The following AKT1 variants were observed in gnomAD, a reference collection of about 807,000 sequenced individuals.
AKT1 encodes AKT serine/threonine kinase 1.
In AKT1, 21 loss-of-function variants were observed where a neutral mutation model predicts 63.1. That is an observed-to-expected ratio of 0.33 (90% CI 0.24 to 0.48). The LOEUF (loss-of-function observed/expected upper bound fraction) is 0.48, where lower values mean the gene tolerates loss of function less well. Ranked by LOEUF, AKT1 falls within the 20% of genes least tolerant of loss-of-function variation. The pLI, the probability that AKT1 is intolerant of heterozygous loss-of-function variation, is 0.99. For synonymous variants in AKT1, 257 were observed against 253.1 expected (o/e 1.02, Z -0.15); for missense variants, 382 against 666.0 (o/e 0.57, Z 4.69).
chr14:104,783,025 C>T (rs1893144325), intron 3 of AKT1, among the ~76,000 whole-genome samples: 1 of 152,108 alleles, frequency 6.6e-6, no homozygotes, highest in African/African-American at 2.4e-5. Context: ...ACTGGGGTGA[C>T]ACAGGACGGG....
At chr14:104,784,599 C>T (rs1893238758) in intron 3 of AKT1, among the ~76,000 whole-genome samples, 1 of 152,164 alleles carries the variant, frequency 6.6e-6, no homozygotes, top group Non-Finnish European at 1.5e-5. Context: ...CCCAGAAGTC[C>T]TCCTGGACCA....
intron 3 of AKT1, among the ~76,000 whole-genome samples, chr14:104,790,479 G>A (rs1893573337): frequency 6.6e-6 from 1 of 152,224 alleles, no homozygotes; most frequent in African/African-American, 2.4e-5. Flanking sequence ...GCCCTGCCAG[G>A]AGGGTGGCAC....
chr14:104,771,068 G>C lies in AKT1; in HGVS notation c.1261-221C>G, dbSNP rs562656821. 40 of 552,940 alleles carry C rather than the reference G, an allele frequency of 7.2e-5. 1 individual carries two copies. The Middle Eastern group carries it at 1.4e-3, about 20-fold the overall frequency. The allele number at this position is 552,940 out of a possible 1,614,324, so 34.3% of individuals were successfully genotyped here. ...GGAGACAACCCTCAACAGCTGAGACGCAAAGCTGCCCTCACAGCAGCCCCA... is the reference window on the plus strand; with the variant it reads ...GGAGACAACCCTCAACAGCTGAGACCCAAAGCTGCCCTCACAGCAGCCCCA... On this transcript the variant is annotated intron_variant, in intron 13 of 14. Coordinates refer to ENST00000649815, the MANE Select transcript of AKT1 (RefSeq NM_001382430.1).
At chr14:104,772,325 G>A (rs753350034) in intron 13 of AKT1, 40 bp downstream of exon 13, 2 of 1,601,986 alleles carry the variant, frequency 1.2e-6, no homozygotes, top group South Asian at 2.2e-5. Flanking sequence ...GGATATGTGG[G>A]GAGCATGCGT....
At chr14:104,773,633 G>C (rs1244071656) in intron 9 of AKT1, 53 bp from the exon 10 acceptor site, 7 of 1,561,112 alleles carry the variant, frequency 4.5e-6, no homozygotes, top group Non-Finnish European at 6.1e-6. Flanking sequence ...CTGCCCCCAT[G>C]GCCTGCAGGG....
At chr14:104,779,632 C>T (rs111268345) in intron 4 of AKT1, among the ~76,000 whole-genome samples, 796 of 53,520 alleles carry the variant, frequency 0.015, 5 homozygotes, top group African/African-American at 0.099. Flanking sequence ...GACCCCCGCC[C>T]AGCCAGCCTC....
rs1049525123 is a variant in AKT1 at position 104,772,449 on chromosome 14, A to G, written c.1176T>C (p.Leu392=). The G allele has an allele frequency of 1.2e-6, 2 of 1,613,522 alleles. No homozygotes were observed. Among genetic ancestry groups the G allele is most frequent in the Non-Finnish European group, 1.7e-6 (2 of 1,180,024 alleles). Residue 392 remains leucine (L), a synonymous_variant, in exon 13 of 15, where the codon CTT becomes CTC. Transcript: ENST00000649815. ...GLLKKDPKQR[L]GGGSEDAKEI... ...CCTTGGCGTCCTCGGAGCCCCCGCC[A>G]AGCCTGCAGGCAGGAAACAAGGCCA...
intron 3 of AKT1, among the ~76,000 whole-genome samples, chr14:104,787,021 C>T (rs370360314): frequency 1.3e-5 from 2 of 152,050 alleles, no homozygotes; most frequent in East Asian, 3.9e-4. Context: ...CGCCAGGTTA[C>T]AGGGTATGGG....
Position 104,784,408 on chromosome 14 carries a change from G to T in AKT1, c.47-4192C>A, listed in dbSNP as rs558612575. Among the ~76,000 whole-genome samples the T allele has an allele frequency of 3.9e-5, 6 of 152,184 alleles. No homozygotes were observed. In the South Asian group the frequency reaches 1.0e-3, roughly 26 times the overall value. ...CCAGACTCCTGTCCCTGCCCGGGGGGACAGCGGAGACCAGGCTCCCTCGAC... is the reference window on the plus strand; with the variant it reads ...CCAGACTCCTGTCCCTGCCCGGGGGTACAGCGGAGACCAGGCTCCCTCGAC... On this transcript the variant is annotated intron_variant, in intron 3 of 14. Coordinates refer to ENST00000649815, the MANE Select transcript of AKT1 (RefSeq NM_001382430.1).
chr14:104,791,782 G>A (rs1323516379), intron 3 of AKT1, among the ~76,000 whole-genome samples: 1 of 152,250 alleles, frequency 6.6e-6, no homozygotes, highest in Non-Finnish European at 1.5e-5. Context: ...AACTTAGGAG[G>A]GAACAAGTCT....
At chr14:104,777,046 T>C (rs1223068039) in intron 4 of AKT1, 4 of 414,746 alleles carry the variant, frequency 9.6e-6, no homozygotes, top group Non-Finnish European at 1.8e-5. Flanking sequence ...ACTCCTACAG[T>C]CCTTCCTTCA....
chr14:104,789,913 G>T lies in AKT1; in HGVS notation c.46+2685C>A, dbSNP rs117303450. 3.5e-3 allele frequency among the ~76,000 whole-genome samples: 540 copies of T among 152,254 alleles called. 7 individuals carry two copies. Among genetic ancestry groups the T allele is most frequent in the South Asian group, 0.033 (157 of 4,818 alleles). ...CGGAACTCCTGTGTCCCCATGCCCG[G>T]TCCCTTCTGTCCCTGAAGCTCCTCT... is the stretch of plus-strand genomic sequence containing the variant. On this transcript the variant is annotated intron_variant, in intron 3 of 14. Transcript: ENST00000649815.
chr14:104,770,234 G>T lies in AKT1; in HGVS notation c.*107C>A. 2 of 1,257,090 alleles carry T rather than the reference G, an allele frequency of 1.6e-6. No individual in the cohort carries two copies. The highest frequency in any genetic ancestry group is 1.5e-5 in the African/African-American group (1 of 67,698). 77.9% of individuals were successfully genotyped at this position (1,257,090 alleles called of 1,614,324 possible). On this transcript the variant is annotated 3_prime_UTR_variant, in exon 15 of 15. Transcript: ENST00000649815. ...CATCTGGGCTCGAGAGGACAGCGTG[G>T]CTTCTCTCAAATGCACCCGAGAAAT... is the stretch of plus-strand genomic sequence containing the variant.
At chr14:104,790,281 G>T (rs892083333) in intron 3 of AKT1, among the ~76,000 whole-genome samples, 4 of 152,222 alleles carry the variant, frequency 2.6e-5, no homozygotes, top group Non-Finnish European at 4.4e-5. Flanking sequence ...CAAGGCTGGG[G>T]GGGAGTGGAA....
intron 3 of AKT1, among the ~76,000 whole-genome samples, chr14:104,781,592 T>C (rs1595253250): frequency 6.6e-6 from 1 of 152,142 alleles, no homozygotes. Context: ...CCCGGCCAGG[T>C]GACCTCTCCC....
intron 3 of AKT1, among the ~76,000 whole-genome samples, chr14:104,784,050 G>A (rs1214944652): frequency 6.6e-6 from 1 of 152,128 alleles, no homozygotes; most frequent in Non-Finnish European, 1.5e-5. Context: ...AGCAGCTCCG[G>A]TCCCACCCTC....
chr14:104,776,550 G>C, intron 5 of AKT1, 109 bp downstream of exon 5: 2 of 907,620 alleles, frequency 2.2e-6, no homozygotes, highest in Non-Finnish European at 3.3e-6. Flanking sequence ...GGGAGCACTG[G>C]GGAGTGAGGA....
intron 3 of AKT1, 125 bp downstream of exon 3, chr14:104,792,473 G>A (rs1025279306): frequency 2.2e-5 from 25 of 1,147,578 alleles, no homozygotes; most frequent in Non-Finnish European, 1.4e-5. Context: ...ACTCACCCTA[G>A]GCCAGCCCAG....
At position 104,790,869 on chromosome 14, in the gene AKT1, A is replaced by G. The variant is rs1363141402; in HGVS notation, c.46+1729T>C. 2.6e-5 allele frequency among the ~76,000 whole-genome samples: 4 copies of G among 152,164 alleles called. No individual in the cohort carries two copies. In the South Asian group the frequency reaches 8.3e-4, roughly 31 times the overall value. On this transcript the variant is annotated intron_variant, in intron 3 of 14. Transcript: ENST00000649815. ...CTCCCACCACCGCTCCCTGGTGTAG[A>G]TGGGGAAACTGAGGCCCAAGGAGCT...
Sources: gnomAD v4.1 joint callset for allele counts (sites outside exome capture counted in the v4.1 genomes callset) on GRCh38, gnomAD v4.1.1 for gene constraint, MANE v1.5 for transcripts, NCBI Gene and HGNC (gene_info 2026-07-23, HGNC 2026-07-21) for gene names.